MCF2L: variants seen among roughly 807,000 people sequenced by gnomAD.
MCF2L encodes guanine nucleotide exchange factor DBS.
MCF2L carries 97 observed loss-of-function variants against 153.4 expected under a neutral mutation model. The ratio of observed to expected loss-of-function variants is 0.63; its 90% CI spans 0.54 to 0.75. MCF2L has a LOEUF of 0.75. Among genes scored for constraint, MCF2L ranks in the 30% least tolerant of loss-of-function variants. The pLI is 0.00. For missense variants in MCF2L, 1,347 were observed against 1,495.2 expected (o/e 0.90, Z 1.64); for synonymous variants, 659 against 632.2 (o/e 1.04, Z -0.64).
chr13:112,994,105 A>G (rs1263507051), intron 1 of MCF2L, among the ~76,000 whole-genome samples: 3 of 151,872 alleles, frequency 2.0e-5, no homozygotes, highest in Non-Finnish European at 4.4e-5. Flanking sequence ...GGACCCCCCA[A>G]GCTGACGTCA....
Position 113,012,055 on chromosome 13 carries a change from C to A in MCF2L, c.80-2708C>A, listed in dbSNP as rs146588980. ...CAGGTGGTGTGGACGGTGGACACTG[C>A]AGTGTGAATGGTGGACAGGTGGTGT... On this transcript the variant is annotated intron_variant, in intron 1 of 29. Transcript: ENST00000535094. Among the ~76,000 whole-genome samples, 686 of 109,530 alleles carry A rather than the reference C, an allele frequency of 6.3e-3. 61 individuals carry two copies. Among genetic ancestry groups the A allele is most frequent in the African/African-American group, 0.021 (655 of 30,704 alleles). The allele number at this position is 109,530 out of a possible 152,430, so 71.9% of individuals were successfully genotyped here.
At chr13:112,950,166 CTT>C (rs2081678304) in intron 2 of MCF2L, among the ~76,000 whole-genome samples, 1 of 151,032 alleles carries the variant, frequency 6.6e-6, no homozygotes, top group Non-Finnish European at 1.5e-5. Flanking sequence ...AAAAAAACCA[CTT>C]AAGTGTAAAT....
At chr13:112,998,515 G>A (rs1178206853) in intron 1 of MCF2L, among the ~76,000 whole-genome samples, 2 of 152,176 alleles carry the variant, frequency 1.3e-5, no homozygotes, top group Admixed American at 6.5e-5. Flanking sequence ...CTCCCAGGAC[G>A]GGTCTGAAAT....
chr13:112,946,755 G>A lies in MCF2L; in HGVS notation c.169+44384G>A, dbSNP rs117432565. Among the ~76,000 whole-genome samples the A allele has an allele frequency of 1.3e-3, 196 of 152,342 alleles. 1 individual carries two copies. In the East Asian group the frequency reaches 0.036, roughly 28 times the overall value. The stretch of plus-strand genomic sequence containing the variant: ...GAGGCACTGTGAGGATGCGTATCCC[G>A]TGGCTTTACTTTAGAAACTAACCCA... On this transcript the variant is annotated intron_variant, in intron 2 of 29. Coordinates refer to the MCF2L transcript ENST00000375608.
chr13:113,044,766 A>G (rs751187215), intron 3 of MCF2L: 1 of 1,612,918 alleles, frequency 6.2e-7, no homozygotes, highest in East Asian at 2.2e-5. Flanking sequence ...TCCCGTTTCC[A>G]GCAGATGCTT....
At chr13:112,900,725 G>C (rs2081111743) in intron 1 of MCF2L, among the ~76,000 whole-genome samples, 1 of 152,136 alleles carries the variant, frequency 6.6e-6, no homozygotes, top group South Asian at 2.1e-4. Flanking sequence ...TGGACTGTGG[G>C]TTGGCGATGG....
intron 15 of MCF2L, 69 bp from the exon 16 acceptor site, chr13:113,081,144 A>G (rs2034093851): frequency 1.5e-6 from 2 of 1,332,798 alleles, no homozygotes; most frequent in Admixed American, 4.2e-5. Flanking sequence ...CACCTGTGAG[A>G]CTGTGGAGCA....
intron 1 of MCF2L, among the ~76,000 whole-genome samples, chr13:112,977,286 C>A (rs1223805122): frequency 1.3e-5 from 2 of 152,196 alleles, no homozygotes; most frequent in South Asian, 2.1e-4. Flanking sequence ...AGGGGCCCAA[C>A]CATTCTCGAG....
Position 113,065,065 on chromosome 13 carries a change from G to A in MCF2L, c.736G>A (p.Glu246Lys). Residue 246 changes from glutamate to lysine, a missense_variant, in exon 7 of 30, where the codon GAG becomes AAG. Glu to Lys is a moderately conservative substitution (Grantham distance 56). Around this residue, in one of 3 missense-constraint regions of MCF2L, gnomAD observed 820 missense variants for 921.2 expected, o/e 0.89. Transcript: ENST00000535094. ...AAGCTCAGTGCTGTGTGCGCACACA[G>A]AGAAGAAGGACAAGGCGAAGGTACA... ...STSSVLCAHT[E>K]KKDKAKEDLR... 1 of 1,611,330 alleles carries A rather than the reference G, an allele frequency of 6.2e-7. No homozygotes were observed. The highest frequency in any genetic ancestry group is 1.1e-5 in the South Asian group (1 of 90,986).
chr13:112,942,819 A>G (rs2081589957), intron 2 of MCF2L, among the ~76,000 whole-genome samples: 1 of 152,076 alleles, frequency 6.6e-6, no homozygotes. Flanking sequence ...GTGACTTAAC[A>G]TTCTCTCCAC....
At chr13:112,933,899 C>A (rs2140634569) in intron 2 of MCF2L, among the ~76,000 whole-genome samples, 1 of 152,364 alleles carries the variant, frequency 6.6e-6, no homozygotes, top group African/African-American at 2.4e-5. Flanking sequence ...ATGGCCTGGG[C>A]TTCTGTTGGG....
intron 15 of MCF2L, among the ~76,000 whole-genome samples, chr13:113,079,278 A>G (rs1010156736): frequency 6.6e-6 from 1 of 152,144 alleles, no homozygotes; most frequent in Non-Finnish European, 1.5e-5. Flanking sequence ...AGAAAGAAAG[A>G]CCTCACTGGT....
At chr13:113,021,440 G>A (rs1324633264) in intron 2 of MCF2L, among the ~76,000 whole-genome samples, 1 of 152,234 alleles carries the variant, frequency 6.6e-6, no homozygotes, top group Non-Finnish European at 1.5e-5. Flanking sequence ...GGGTGCGAGA[G>A]TTCACATGCA....
chr13:112,968,507 C>T (rs1250414937), upstream of MCF2L: 1 of 1,580,248 alleles, frequency 6.3e-7, no homozygotes. Flanking sequence ...GCGCGCTTCC[C>T]TCACTGGGTC....
chr13:113,007,210 G>T (rs2083762794), intron 1 of MCF2L, among the ~76,000 whole-genome samples: 1 of 152,216 alleles, frequency 6.6e-6, no homozygotes, highest in Non-Finnish European at 1.5e-5. Context: ...GCCAGGTGTA[G>T]GGTGGATGCT....
chr13:113,087,773 G>T lies in MCF2L; in HGVS notation c.2662G>T (p.Ala888Ser). 6.2e-7 allele frequency: 1 copy of T among 1,614,110 alleles called. No individual in the cohort carries two copies. Among genetic ancestry groups the T allele is most frequent in the Non-Finnish European group, 8.5e-7 (1 of 1,180,028 alleles). The change falls in exon 23 of 30, where the codon GCG becomes TCG. Residue 888 changes from alanine (A) to serine (S), a missense_variant. By Grantham distance (99) the Ala-to-Ser change is moderately conservative. Coordinates refer to ENST00000535094, the MANE Select transcript of MCF2L (RefSeq NM_001112732.3). ...DAKKFEIWYNAREEVYIVQAP... is the reference protein window; with the variant it reads ...DAKKFEIWYNSREEVYIVQAP... ...TAAGAAGTTCGAGATCTGGTACAAC[G>T]CGCGCGAGGAGGTCTACATCGTCCA...
rs139888060 is a variant in MCF2L, at chr13:112,936,109, G to A, written c.169+33738G>A. 4.4e-3 allele frequency among the ~76,000 whole-genome samples: 663 copies of A among 152,042 alleles called. 2 individuals carry two copies. The highest frequency in any genetic ancestry group is 0.015 in the African/African-American group (640 of 41,468). On this transcript the variant is annotated intron_variant, in intron 2 of 29. Coordinates refer to the MCF2L transcript ENST00000375608. The stretch of plus-strand genomic sequence containing the variant: ...AGCCTGGCCAACATAGTGAAACCCC[G>A]TCTCTACTAAAAATACAAAAATTAG...
In MCF2L at chr13:112,896,690, A is replaced by T. The variant is rs2081071013; in HGVS notation, c.-5+2259A>T. On this transcript the variant is annotated intron_variant, in intron 1 of 29. Coordinates refer to the MCF2L transcript ENST00000375608. ...GATGGAGTTGTAAGGTTCTGGGTGC[A>T]GCTCACCTTTCTGTTCAGCCCACCC... Among the ~76,000 whole-genome samples the T allele has an allele frequency of 1.3e-5, 2 of 152,214 alleles. 1 individual carries two copies. The highest frequency in any genetic ancestry group is 4.1e-4 in the South Asian group (2 of 4,836).
chr13:112,949,228 G>A (rs2081666827), intron 2 of MCF2L, among the ~76,000 whole-genome samples: 1 of 152,220 alleles, frequency 6.6e-6, no homozygotes, highest in Admixed American at 6.5e-5. Flanking sequence ...TAGCCCTATA[G>A]CTATTAAATA....
Sources: gnomAD v4.1 joint callset for allele counts (sites outside exome capture counted in the v4.1 genomes callset) on GRCh38, gnomAD v4.1.1 for gene constraint, gnomAD v4.1.1 regional missense constraint, MANE v1.5 for transcripts, NCBI Gene and HGNC (gene_info 2026-07-23, HGNC 2026-07-21) for gene names.